The following NDUFA10 variants were observed in gnomAD, a reference collection of about 807,000 sequenced individuals.
The protein encoded by NDUFA10 is NADH:ubiquinone oxidoreductase subunit A10, also known as NADH dehydrogenase [ubiquinone] 1 alpha subcomplex subunit 10, mitochondrial.
A neutral mutation model predicts 47.8 loss-of-function variants in NDUFA10; 40 were observed. The observed-to-expected ratio is 0.84, with a 90% CI of 0.65 to 1.09. The LOEUF (loss-of-function observed/expected upper bound fraction) is 1.09, where lower values mean the gene tolerates loss of function less well. Among genes scored for constraint, NDUFA10 ranks in the 50% least tolerant of loss-of-function variants. The probability of loss-of-function intolerance (pLI) is 0.00; values close to 1 mark genes in which losing one functional copy is unlikely to be tolerated. For missense variants in NDUFA10, 413 were observed against 451.1 expected, an observed-to-expected ratio of 0.92 and a Z score of 0.76; for synonymous variants, 183 against 172.2, an observed-to-expected ratio of 1.06 and a Z score of -0.49.
chr2:239,896,589 C>A (rs192133435), intron 4 of NDUFA10, among the ~76,000 whole-genome samples: 37 of 152,354 alleles, frequency 2.4e-4, no homozygotes, highest in African/African-American at 8.4e-4. Context: ...GAAATGCCAA[C>A]TTGTTTGGCT....
intron 5 of NDUFA10, among the ~76,000 whole-genome samples, chr2:239,893,034 C>G (rs1241162960): frequency 1.3e-5 from 2 of 152,146 alleles, no homozygotes; most frequent in African/African-American, 4.8e-5. Flanking sequence ...GAGCCGGGAC[C>G]CTCACTGGGG....
chr2:239,991,531 A>G (rs1353325085), intron 8 of NDUFA10, among the ~76,000 whole-genome samples: 1 of 152,236 alleles, frequency 6.6e-6, no homozygotes, highest in Non-Finnish European at 1.5e-5. Flanking sequence ...CAAAACAGAA[A>G]GTTTGTGAAG....
chr2:239,952,189 G>C (rs1169988603), intron 4 of NDUFA10, among the ~76,000 whole-genome samples: 1 of 145,594 alleles, frequency 6.9e-6, no homozygotes, highest in Non-Finnish European at 1.5e-5. Context: ...AGACCTGCAA[G>C]CCCAGGGAGA....
At chr2:239,971,707 C>T (rs1053191999) in intron 9 of NDUFA10, among the ~76,000 whole-genome samples, 4 of 152,126 alleles carry the variant, frequency 2.6e-5, no homozygotes, top group African/African-American at 7.2e-5. Flanking sequence ...AAAGTGGAGC[C>T]CCGATCTTTT....
rs1694107986 is a variant in NDUFA10, at chr2:239,928,789, T to A, written c.295-33475A>T. Among the ~76,000 whole-genome samples, 1 of 152,136 alleles carries A rather than the reference T, an allele frequency of 6.6e-6. No individual in the cohort carries two copies. The highest frequency in any genetic ancestry group is 1.5e-5 in the Non-Finnish European group (1 of 68,036). The stretch of plus-strand genomic sequence containing the variant: ...CAGCGTCCCTTCCAAACAGGTGGTA[T>A]CCGTGTTCCAAGCAGCCCAGGCCCA... On this transcript the variant is annotated intron_variant, in intron 4 of 5. Coordinates refer to the NDUFA10 transcript ENST00000419408. This position sits in a 1 kb window ranked among gnomAD's most constrained non-coding sequence, Gnocchi z 4.3.
At chr2:240,015,598 A>T (rs1469734393) in intron 4 of NDUFA10, among the ~76,000 whole-genome samples, 1 of 152,228 alleles carries the variant, frequency 6.6e-6, no homozygotes. Context: ...ATTCTCCTAA[A>T]GTGATCACTA....
At chr2:239,973,777 C>T (rs527553348) in intron 9 of NDUFA10, 1 of 365,208 alleles carries the variant, frequency 2.7e-6, no homozygotes, top group Non-Finnish European at 5.5e-6. Context: ...GCAGCCTGTC[C>T]TGCACACATT....
intron 4 of NDUFA10, among the ~76,000 whole-genome samples, chr2:239,900,153 C>T (rs1693517497): frequency 6.6e-6 from 1 of 151,960 alleles, no homozygotes; most frequent in South Asian, 2.1e-4. Flanking sequence ...CAGTGGTTTG[C>T]CAGGGGGTCT....
intron 4 of NDUFA10, among the ~76,000 whole-genome samples, chr2:239,951,189 A>G (rs1005980475): frequency 1.3e-5 from 2 of 152,088 alleles, no homozygotes; most frequent in African/African-American, 2.4e-5. Context: ...TCAGAAGGAG[A>G]GGCTACTATT....
intron 5 of NDUFA10, chr2:240,013,652 T>C (rs1039419183): frequency 2.6e-5 from 4 of 152,234 alleles, no homozygotes; most frequent in African/African-American, 9.6e-5. Flanking sequence ...CTGTTTCTAC[T>C]ATTGCAACAG....
At chr2:239,916,199 CACAT>C (rs1231419390) in intron 4 of NDUFA10, among the ~76,000 whole-genome samples, 2 of 151,466 alleles carry the variant, frequency 1.3e-5, no homozygotes, top group Non-Finnish European at 1.5e-5. Flanking sequence ...ACAGAACACA[CACAT>C]ACATACACAC....
chr2:240,003,296 G>A (rs1696799781), intron 8 of NDUFA10, among the ~76,000 whole-genome samples: 1 of 152,194 alleles, frequency 6.6e-6, no homozygotes, highest in African/African-American at 2.4e-5. Flanking sequence ...AGCACCAACG[G>A]CCTAAGAACA....
intron 9 of NDUFA10, among the ~76,000 whole-genome samples, chr2:239,965,394 G>C (rs1695018305): frequency 6.6e-6 from 1 of 152,154 alleles, no homozygotes; most frequent in Non-Finnish European, 1.5e-5. Flanking sequence ...GTCTGTATCT[G>C]CTAATTTAAA....
intron 4 of NDUFA10, among the ~76,000 whole-genome samples, chr2:239,916,021 GAGAGAC>G (rs1428434918): frequency 1.0e-5 from 1 of 97,464 alleles, no homozygotes. Flanking sequence ...CAGATACATA[GAGAGAC>G]ACACAGAGAT....
At chr2:239,984,653 C>T (rs1302601390) in intron 9 of NDUFA10, among the ~76,000 whole-genome samples, 1 of 152,204 alleles carries the variant, frequency 6.6e-6, no homozygotes, top group Non-Finnish European at 1.5e-5. Flanking sequence ...CTGTCCCCTC[C>T]TGAACAACCA....
chr2:240,001,037 A>G (rs77065675), intron 8 of NDUFA10, among the ~76,000 whole-genome samples: 5,522 of 152,346 alleles, frequency 0.036, 125 homozygotes, highest in Middle Eastern at 0.1. Flanking sequence ...TGGTGAGCAC[A>G]TCACTCGGAA....
At chr2:239,995,279 G>GA (rs567435007) in intron 8 of NDUFA10, among the ~76,000 whole-genome samples, 345 of 147,358 alleles carry the variant, frequency 2.3e-3, no homozygotes, top group Non-Finnish European at 4.2e-3. Flanking sequence ...CTGTCTCAAA[G>GA]AAAAAAAAAA....
At chr2:239,982,936 C>T (rs990101731) in intron 9 of NDUFA10, among the ~76,000 whole-genome samples, 1 of 152,216 alleles carries the variant, frequency 6.6e-6, no homozygotes, top group Non-Finnish European at 1.5e-5. Flanking sequence ...AAGCCACTCT[C>T]ACCAGGGTGG....
intron 4 of NDUFA10, among the ~76,000 whole-genome samples, chr2:239,901,538 G>C (rs551764279): frequency 6.6e-6 from 1 of 152,052 alleles, no homozygotes; most frequent in African/African-American, 2.4e-5. Context: ...CTCTGATGGA[G>C]AGGCATAAGG....
Sources: allele counts gnomAD v4.1 joint callset (sites outside exome capture counted in the v4.1 genomes callset), GRCh38; gene constraint gnomAD v4.1.1; non-coding constraint Gnocchi (gnomAD v3.1); transcripts MANE v1.5; gene names NCBI Gene and HGNC (gene_info 2026-07-23, HGNC 2026-07-21).